BCL2L13: variants seen among roughly 807,000 people sequenced by gnomAD.
The protein encoded by BCL2L13 is bcl-2-like protein 13.
Under a neutral mutation model 25.8 loss-of-function variants are expected in BCL2L13, and 13 were observed. That is an observed-to-expected ratio of 0.50 (90% confidence interval 0.33 to 0.80). BCL2L13 has a LOEUF of 0.80. BCL2L13 is among the 30% of genes least tolerant of loss of function. BCL2L13 has a pLI of 0.02. For synonymous variants in BCL2L13, 244 were observed against 230.3 expected (o/e 1.06, Z -0.54); for missense variants, 504 against 574.9 (o/e 0.88, Z 1.26).
intron 2 of BCL2L13, among the ~76,000 whole-genome samples, chr22:17,667,963 CTTTTTTTTTTTT>C (rs71201863): frequency 1.4e-5 from 1 of 71,698 alleles, no homozygotes; most frequent in African/African-American, 5.7e-5. Context: ...TCCAGTTTGT[CTTTTTTTTTTTT>C]TTTTTTTTTG....
In BCL2L13 at chr22:17,727,127, G is replaced by C. The variant is rs766620136; in HGVS notation, c.1051G>C (p.Ala351Pro). 1.2e-6 allele frequency: 2 copies of C among 1,614,178 alleles called. No homozygotes were observed. Among genetic ancestry groups the C allele is most frequent in the Middle Eastern group, 1.6e-4 (1 of 6,062 alleles). The change falls in exon 7 of 7, where the codon GCC becomes CCC. Residue 351 changes from alanine (A) to proline (P), a missense_variant. By Grantham distance (27) the Ala-to-Pro change is conservative (BLOSUM62 -1). Coordinates refer to ENST00000317582, the MANE Select transcript of BCL2L13 (RefSeq NM_015367.4). ...AGCTCCCTTGCTTCCACATATCACTGCCACCTCCCTGCTGGGGACAAGGGA... is the reference window on the plus strand; with the variant it reads ...AGCTCCCTTGCTTCCACATATCACTCCCACCTCCCTGCTGGGGACAAGGGA... ...APAPLLPHIT[A>P]TSLLGTREPD... is the part of the protein sequence containing the mutation.
chr22:17,711,205 C>CA (rs2060748700), intron 6 of BCL2L13, among the ~76,000 whole-genome samples: 1 of 151,666 alleles, frequency 6.6e-6, no homozygotes, highest in African/African-American at 2.4e-5. Flanking sequence ...CCCTGGGTGA[C>CA]AGAGTGAGAC....
chr22:17,718,542 A>G (rs1399224890), intron 6 of BCL2L13, among the ~76,000 whole-genome samples: 2 of 152,156 alleles, frequency 1.3e-5, no homozygotes, highest in Non-Finnish European at 2.9e-5. Context: ...GAAATGTGTA[A>G]TGGTTTTACA....
In BCL2L13 at chr22:17,698,979, A is replaced by G. The variant is rs180778857; in HGVS notation, c.456+2769A>G. 3.7e-4 allele frequency among the ~76,000 whole-genome samples: 57 copies of G among 152,216 alleles called. 1 individual carries two copies. The East Asian group carries it at 0.011, about 29-fold the overall frequency. On this transcript the variant is annotated intron_variant, in intron 5 of 6. Coordinates refer to ENST00000317582, the MANE Select transcript of BCL2L13 (RefSeq NM_015367.4). ...TCAGTTACAAGTTATTTTTCCTGTA[A>G]AATGTTCTCATTTCTGGGTTTTATT... is the stretch of plus-strand genomic sequence containing the variant.
chr22:17,647,863 T>C (rs1460184720), intron 1 of BCL2L13, among the ~76,000 whole-genome samples: 6 of 152,200 alleles, frequency 3.9e-5, no homozygotes, highest in Non-Finnish European at 8.8e-5. Flanking sequence ...GCGCAGTGGC[T>C]CACGCCTGTA....
intron 1 of BCL2L13, among the ~76,000 whole-genome samples, chr22:17,649,339 C>T (rs1257946684): frequency 1.3e-5 from 2 of 151,962 alleles, no homozygotes; most frequent in African/African-American, 2.4e-5. Flanking sequence ...TCAGGTGATC[C>T]GCCTGCCTCG....
chr22:17,680,897 C>T (rs2059733112), intron 2 of BCL2L13, among the ~76,000 whole-genome samples: 1 of 152,074 alleles, frequency 6.6e-6, no homozygotes, highest in Non-Finnish European at 1.5e-5. Flanking sequence ...TTCTTCATAC[C>T]ATACCTGCGA....
intron 5 of BCL2L13, among the ~76,000 whole-genome samples, chr22:17,701,732 C>T (rs892813792): frequency 2.2e-4 from 33 of 152,004 alleles, no homozygotes; most frequent in African/African-American, 7.2e-4. Flanking sequence ...TTGAGACCAG[C>T]CTGGCCAACA....
chr22:17,644,652 T>A (rs2058410521), intron 1 of BCL2L13, among the ~76,000 whole-genome samples: 1 of 151,242 alleles, frequency 6.6e-6, no homozygotes, highest in Non-Finnish European at 1.5e-5. Context: ...CTTATAATAT[T>A]TTAGTGGAAG....
intron 6 of BCL2L13, chr22:17,702,652 T>C (rs1194161110): frequency 3.7e-6 from 1 of 269,422 alleles, no homozygotes; most frequent in African/African-American, 2.2e-5. Context: ...ATTATTATTA[T>C]TATTCAGTTG....
chr22:17,719,290 T>G (rs2061035866), intron 6 of BCL2L13, among the ~76,000 whole-genome samples: 1 of 151,886 alleles, frequency 6.6e-6, no homozygotes, highest in African/African-American at 2.4e-5. Flanking sequence ...AATTAGCACA[T>G]GAAAAGATGT....
chr22:17,629,042 C>T (rs745859063), intron 1 of BCL2L13: 12 of 224,218 alleles, frequency 5.4e-5, no homozygotes, highest in Non-Finnish European at 1.1e-4. Flanking sequence ...GAATTTTTCG[C>T]ATAATTACAC....
chr22:17,719,228 T>C (rs2145807055), intron 6 of BCL2L13, among the ~76,000 whole-genome samples: 1 of 138,372 alleles, frequency 7.2e-6, no homozygotes, highest in South Asian at 2.2e-4. Context: ...TATTTAAAAA[T>C]GGGCAAAAGA....
chr22:17,641,693 A>G (rs532864116), intron 1 of BCL2L13, among the ~76,000 whole-genome samples: 2 of 151,892 alleles, frequency 1.3e-5, no homozygotes, highest in African/African-American at 2.4e-5. Context: ...GTCATTCTTT[A>G]TTACTGGTCC....
chr22:17,640,109 C>T (rs372728162), intron 1 of BCL2L13, among the ~76,000 whole-genome samples: 1 of 152,210 alleles, frequency 6.6e-6, no homozygotes, highest in Non-Finnish European at 1.5e-5. Flanking sequence ...CCGCCTCAGC[C>T]TCCCAAAGTG....
intron 5 of BCL2L13, 73 bp downstream of exon 5, chr22:17,696,283 C>A: frequency 8.3e-7 from 1 of 1,198,352 alleles, no homozygotes; most frequent in Non-Finnish European, 1.2e-6. Flanking sequence ...GAATTGCTAG[C>A]ATCATCAGCA....
chr22:17,629,447 C>T (rs1238402473), intron 1 of BCL2L13, among the ~76,000 whole-genome samples: 1 of 152,042 alleles, frequency 6.6e-6, no homozygotes. Flanking sequence ...TCTGAGATAG[C>T]CTATATATTT....
chr22:17,686,915 A>G lies in BCL2L13; in HGVS notation c.230-2071A>G, dbSNP rs1426466348. Among the ~76,000 whole-genome samples the G allele has an allele frequency of 2.0e-5, 3 of 152,216 alleles. No individual in the cohort carries two copies. The South Asian group carries it at 6.2e-4, about 32-fold the overall frequency. On this transcript the variant is annotated intron_variant, in intron 3 of 6. Transcript: ENST00000317582. Reference sequence around the variant, plus strand: ...AGTAAAATGGGCAAAAGGTAGAAAGAAGAAGAGAGTAACAAAAGGTTTAAA... The same window carrying G: ...AGTAAAATGGGCAAAAGGTAGAAAGGAGAAGAGAGTAACAAAAGGTTTAAA...
At chr22:17,650,103 C>G (rs992786703) in intron 1 of BCL2L13, among the ~76,000 whole-genome samples, 1 of 149,810 alleles carries the variant, frequency 6.7e-6, no homozygotes. Flanking sequence ...CTCCTGACCT[C>G]AGGTGATCTG....
Sources: allele counts gnomAD v4.1 joint callset (sites outside exome capture counted in the v4.1 genomes callset), GRCh38; gene constraint gnomAD v4.1.1; transcripts MANE v1.5; gene names NCBI Gene and HGNC (gene_info 2026-07-23, HGNC 2026-07-21).